The following PTPRG variants were observed in gnomAD, a reference collection of about 807,000 sequenced individuals.
PTPRG encodes the protein receptor-type tyrosine-protein phosphatase gamma.
A neutral mutation model predicts 165.3 loss-of-function variants in PTPRG; 102 were observed. The ratio of observed to expected loss-of-function variants is 0.62; its 90% confidence interval spans 0.53 to 0.73. PTPRG has a LOEUF of 0.73. Among genes scored for constraint, PTPRG ranks in the 30% least tolerant of loss-of-function variants. The probability of loss-of-function intolerance (pLI) is 0.00; values close to 1 mark genes in which losing one functional copy is unlikely to be tolerated. For synonymous variants in PTPRG, 675 were observed against 669.5 expected (o/e 1.01, Z -0.13); for missense variants, 1,866 against 1,861.4 (o/e 1.00, Z -0.05).
chr3:61,841,823 CA>C (rs1159110764), intron 2 of PTPRG, among the ~76,000 whole-genome samples: 6 of 149,940 alleles, frequency 4.0e-5, no homozygotes, highest in Non-Finnish European at 5.9e-5. Context: ...AAAACAAAAA[CA>C]AAAACAAAAC....
At chr3:62,179,272 C>T (rs1705558781) in intron 8 of PTPRG, among the ~76,000 whole-genome samples, 2 of 152,164 alleles carry the variant, frequency 1.3e-5, no homozygotes, top group South Asian at 4.1e-4. Flanking sequence ...TATTCCTTCT[C>T]AGCACAGCCA....
intron 5 of PTPRG, among the ~76,000 whole-genome samples, chr3:62,089,074 A>ATC (rs1034325761): frequency 1.3e-5 from 2 of 152,204 alleles, no homozygotes; most frequent in Non-Finnish European, 2.9e-5. Flanking sequence ...TGTTTTCTCT[A>ATC]TCTACAGCAT....
At chr3:61,589,737 A>G (rs899520048) in intron 1 of PTPRG, among the ~76,000 whole-genome samples, 1 of 152,092 alleles carries the variant, frequency 6.6e-6, no homozygotes, top group Non-Finnish European at 1.5e-5. Context: ...GCAGCTGCTT[A>G]GTGAAGAGTT....
intron 6 of PTPRG, among the ~76,000 whole-genome samples, chr3:62,140,237 A>G (rs1703872280): frequency 1.3e-5 from 2 of 152,176 alleles, no homozygotes; most frequent in African/African-American, 4.8e-5. Flanking sequence ...CTGACGTTAC[A>G]CATGCACCCC....
intron 29 of PTPRG, among the ~76,000 whole-genome samples, chr3:62,292,926 A>C (rs1702950950): frequency 6.6e-6 from 1 of 152,168 alleles, no homozygotes; most frequent in Non-Finnish European, 1.5e-5. Context: ...GTTCATTAAC[A>C]ATCAGCACTG....
intron 1 of PTPRG, among the ~76,000 whole-genome samples, chr3:61,604,536 C>A (rs1353633040): frequency 6.6e-6 from 1 of 152,158 alleles, no homozygotes; most frequent in Admixed American, 6.5e-5. Flanking sequence ...AGGTATTATT[C>A]TTTGTCACAT....
chr3:61,620,611 T>G (rs760022052), intron 1 of PTPRG, among the ~76,000 whole-genome samples: 1 of 152,154 alleles, frequency 6.6e-6, no homozygotes. Context: ...TTGAAGATGC[T>G]TAAAGTTAAC....
chr3:62,283,123 C>T (rs927291419), intron 28 of PTPRG, among the ~76,000 whole-genome samples: 2 of 152,118 alleles, frequency 1.3e-5, no homozygotes, highest in Admixed American at 6.6e-5. Context: ...ATATCTTAGC[C>T]TACAGAGGTA....
chr3:62,070,743 C>G (rs753508433), intron 4 of PTPRG, among the ~76,000 whole-genome samples: 1 of 152,180 alleles, frequency 6.6e-6, no homozygotes, highest in Non-Finnish European at 1.5e-5. Flanking sequence ...AAAAGCAGAA[C>G]TGGCAGATTC....
Position 62,293,471 on chromosome 3 carries a change from T to C in PTPRG, c.*164T>C. 1.8e-6 allele frequency: 1 copy of C among 547,200 alleles called. No homozygotes were observed. The highest frequency in any genetic ancestry group is 1.9e-5 in the African/African-American group (1 of 51,720). 33.9% of individuals were successfully genotyped at this position (547,200 alleles called of 1,614,324 possible). ...GCCATTTTATGTCTTAATGGTATCC[T>C]ACTGAGCATTTGCACCTCTGTTCAT... is the stretch of plus-strand genomic sequence containing the variant. On this transcript the variant is annotated 3_prime_UTR_variant, in exon 30 of 30. Coordinates refer to ENST00000474889, the MANE Select transcript of PTPRG (RefSeq NM_002841.4).
intron 17 of PTPRG, among the ~76,000 whole-genome samples, chr3:62,265,833 TATAC>T (rs760264940): frequency 8.6e-5 from 12 of 138,996 alleles, no homozygotes; most frequent in South Asian, 2.4e-4. Context: ...GTGCCTTATA[TATAC>T]ATACATACAT....
intron 1 of PTPRG, among the ~76,000 whole-genome samples, chr3:61,718,377 T>C (rs888175787): frequency 5.3e-5 from 8 of 152,280 alleles, no homozygotes; most frequent in African/African-American, 1.7e-4. Context: ...TAGAAATGAA[T>C]GGAAAAATGC....
chr3:61,901,738 A>G (rs2038503863), intron 2 of PTPRG, among the ~76,000 whole-genome samples: 1 of 152,076 alleles, frequency 6.6e-6, no homozygotes, highest in Non-Finnish European at 1.5e-5. Context: ...CTGCTTTCCT[A>G]GGGTGACCAC....
chr3:61,688,621 G>A (rs1174103154), intron 1 of PTPRG, among the ~76,000 whole-genome samples: 1 of 152,220 alleles, frequency 6.6e-6, no homozygotes, highest in Non-Finnish European at 1.5e-5. Context: ...GCAAGTCAGA[G>A]TGAAAGAAAG....
chr3:62,210,766 T>C lies in PTPRG; in HGVS notation c.2155+6816T>C, dbSNP rs1212535389. On this transcript the variant is annotated intron_variant, in intron 12 of 29. Transcript: ENST00000474889. The surrounding 1 kb of genome is among the most constrained non-coding windows in gnomAD (Gnocchi z 4.1). ...ACTTAATGAATAGTAAATATAAATA[T>C]GTTTTCTTCCTTAGGATTTTCTTTA... Among the ~76,000 whole-genome samples the C allele has an allele frequency of 6.6e-6, 1 of 152,212 alleles. No individual in the cohort carries two copies. Among genetic ancestry groups the C allele is most frequent in the Non-Finnish European group, 1.5e-5 (1 of 68,042 alleles).
intron 27 of PTPRG, among the ~76,000 whole-genome samples, chr3:62,282,379 T>C (rs535401664): frequency 4.6e-5 from 7 of 151,408 alleles, no homozygotes; most frequent in Non-Finnish European, 1.0e-4. Flanking sequence ...ATGTACCATA[T>C]GACTAGTTAA....
intron 4 of PTPRG, among the ~76,000 whole-genome samples, chr3:62,064,243 T>C (rs1401012231): frequency 6.6e-6 from 1 of 152,216 alleles, no homozygotes; most frequent in Non-Finnish European, 1.5e-5. Context: ...AGAAAACTAC[T>C]GTTAGTTTGT....
chr3:61,784,693 T>G (rs1177137720), intron 2 of PTPRG, among the ~76,000 whole-genome samples: 1 of 152,204 alleles, frequency 6.6e-6, no homozygotes, highest in East Asian at 1.9e-4. Flanking sequence ...TTCTTCTGCC[T>G]TTCCATTTTT....
rs552772946 is a variant in PTPRG, at chr3:62,212,472, T to G, written c.2156-6379T>G. On this transcript the variant is annotated intron_variant, in intron 12 of 29. Transcript: ENST00000474889. ...CTTCTCTTGAGCCAGGTTATTGGTA[T>G]CAGGATCATGGTGAGTTTATTAAAC... Among the ~76,000 whole-genome samples, 3 of 152,346 alleles carry G rather than the reference T, an allele frequency of 2.0e-5. No individual in the cohort carries two copies. In the East Asian group the frequency reaches 5.8e-4, roughly 29 times the overall value.
Sources: gnomAD v4.1 joint callset for allele counts (sites outside exome capture counted in the v4.1 genomes callset) on GRCh38, gnomAD v4.1.1 for gene constraint, Gnocchi (gnomAD v3.1) non-coding constraint, MANE v1.5 for transcripts, NCBI Gene and HGNC (gene_info 2026-07-23, HGNC 2026-07-21) for gene names.